The following ZNF267 variants were observed in gnomAD, a reference collection of about 807,000 sequenced individuals.
ZNF267 encodes the protein zinc finger (C2H2).
In ZNF267, 61 loss-of-function variants were observed where a neutral mutation model predicts 71.6. The ratio of observed to expected loss-of-function variants is 0.85; its 90% confidence interval spans 0.69 to 1.05. The LOEUF is 1.05. Ranked by LOEUF, ZNF267 falls within the 50% of genes least tolerant of loss-of-function variation. The pLI is 0.00. For synonymous variants in ZNF267, 288 were observed against 293.2 expected (o/e 0.98, Z 0.18); for missense variants, 852 against 870.0 (o/e 0.98, Z 0.26).
chr16:31,879,108 T>A (rs1352201096), intron 1 of ZNF267, among the ~76,000 whole-genome samples: 3 of 152,198 alleles, frequency 2.0e-5, no homozygotes, highest in Non-Finnish European at 2.9e-5. Context: ...TGATATAAAA[T>A]GTAAATAGCA....
intron 3 of ZNF267, chr16:31,895,021 G>A: frequency 3.4e-6 from 1 of 293,388 alleles, no homozygotes; most frequent in South Asian, 3.7e-5. Context: ...GCTGTGAAGG[G>A]GAGCCGGACC....
At chr16:31,894,140 T>C (rs575934853) in intron 3 of ZNF267, among the ~76,000 whole-genome samples, 2 of 152,244 alleles carry the variant, frequency 1.3e-5, no homozygotes, top group South Asian at 2.1e-4. Context: ...TCTCTCTTCA[T>C]GTCTTCCTTT....
chr16:31,878,598 A>G (rs1464641111), intron 1 of ZNF267, among the ~76,000 whole-genome samples: 2 of 148,338 alleles, frequency 1.3e-5, no homozygotes, highest in South Asian at 2.2e-4. Context: ...GGACCATCCA[A>G]TCATAATCTC....
chr16:31,883,142 AC>A (rs1484966234), intron 1 of ZNF267, among the ~76,000 whole-genome samples: 1 of 152,214 alleles, frequency 6.6e-6, no homozygotes, highest in African/African-American at 2.4e-5. Context: ...ACAAGAATTA[AC>A]ATATAACAAA....
rs549582492 is a variant in ZNF267, at chr16:31,875,269, C to T, written c.3+1300C>T. Reference sequence around the variant, plus strand: ...TCCTGGAGTGTTTAGTGACTGTCAGCCCCAGGTCACCTCCTGTTAGAGGAC... The same window carrying T: ...TCCTGGAGTGTTTAGTGACTGTCAGTCCCAGGTCACCTCCTGTTAGAGGAC... On this transcript the variant is annotated intron_variant, in intron 1 of 3. Coordinates refer to ENST00000300870, the MANE Select transcript of ZNF267 (RefSeq NM_003414.6). 1.3e-5 allele frequency: 17 copies of T among 1,289,236 alleles called. No individual in the cohort carries two copies. The African/African-American group carries it at 2.1e-4, about 16-fold the overall frequency. The allele number at this position is 1,289,236 out of a possible 1,614,324, so 79.9% of individuals were successfully genotyped here.
intron 3 of ZNF267, among the ~76,000 whole-genome samples, chr16:31,899,811 T>C (rs2084025048): frequency 6.6e-6 from 1 of 152,204 alleles, no homozygotes; most frequent in Non-Finnish European, 1.5e-5. Flanking sequence ...TTATTTAAAA[T>C]ACTTTATAAG....
At position 31,885,223 on chromosome 16, in the gene ZNF267, G is replaced by A; in HGVS notation, c.193G>A (p.Val65Met). ...GGAACAAAGGAAAGAGCCTTGGAATGTGAAGAGTGAGGAGACAGTAGCCAT... is the reference window on the plus strand; with the variant it reads ...GGAACAAAGGAAAGAGCCTTGGAATATGAAGAGTGAGGAGACAGTAGCCAT... Reference protein sequence around the residue: ...FLEQRKEPWNVKSEETVAIQP... With the variant: ...FLEQRKEPWNMKSEETVAIQP... Residue 65 changes from valine to methionine, a missense_variant, in exon 3 of 4, where the codon GTG becomes ATG. Coordinates refer to ENST00000300870, the MANE Select transcript of ZNF267 (RefSeq NM_003414.6). The A allele has an allele frequency of 6.2e-7, 1 of 1,609,290 alleles. No homozygotes were observed.
rs536014996 is a variant in ZNF267, at chr16:31,885,341, A to C, written c.226+85A>C. On this transcript the variant is annotated intron_variant, in intron 3 of 3. Coordinates refer to ENST00000300870, the MANE Select transcript of ZNF267 (RefSeq NM_003414.6). ...CCAGACCTTGAAGTGTGGATTGGGA[A>C]GTTCTCCAGTGGAAATGATTTTTGA... 6.7e-6 allele frequency: 8 copies of C among 1,200,280 alleles called. No individual in the cohort carries two copies. In the Admixed American group the frequency reaches 9.0e-5, roughly 14 times the overall value. The allele number at this position is 1,200,280 out of a possible 1,614,324, so 74.4% of individuals were successfully genotyped here. A position where few individuals can be genotyped will look rare whatever the true frequency, so the allele number is the denominator to read the frequency against.
chr16:31,876,445 C>A (rs895339452), intron 1 of ZNF267, among the ~76,000 whole-genome samples: 1 of 152,190 alleles, frequency 6.6e-6, no homozygotes, highest in Non-Finnish European at 1.5e-5. Context: ...TCTCAAACTC[C>A]TGGGCTCAAG....
At chr16:31,894,610 A>G in intron 3 of ZNF267, 1 of 486,028 alleles carries the variant, frequency 2.1e-6, no homozygotes, top group Non-Finnish European at 4.1e-6. Flanking sequence ...TAATGACTTC[A>G]GTGCTTTCAG....
chr16:31,892,959 G>T (rs2142342114), intron 3 of ZNF267, among the ~76,000 whole-genome samples: 1 of 152,338 alleles, frequency 6.6e-6, no homozygotes, highest in South Asian at 2.1e-4. Flanking sequence ...TCTTCTCACA[G>T]CTCCACTAGG....
chr16:31,883,708 T>C (rs1050102751), intron 1 of ZNF267, among the ~76,000 whole-genome samples: 1 of 152,262 alleles, frequency 6.6e-6, no homozygotes, highest in African/African-American at 2.4e-5. Context: ...ATCTGATATA[T>C]TGTGCATGTT....
intron 1 of ZNF267, among the ~76,000 whole-genome samples, chr16:31,876,246 TCTCTC>T (rs1206845045): frequency 6.6e-6 from 1 of 152,182 alleles, no homozygotes; most frequent in Non-Finnish European, 1.5e-5. Context: ...GGAGACAGGA[TCTCTC>T]CTCTGTCACC....
chr16:31,874,009 G>T, intron 1 of ZNF267, 40 bp downstream of exon 1: 1 of 1,600,232 alleles, frequency 6.2e-7, no homozygotes, highest in Non-Finnish European at 8.5e-7. Flanking sequence ...GGGAGGGAGG[G>T]CGGTGGTCGG....
At chr16:31,914,215 T>G in intron 3 of ZNF267, 1 of 390,488 alleles carries the variant, frequency 2.6e-6, no homozygotes, top group Non-Finnish European at 4.5e-6. Context: ...ATGAACAGAT[T>G]TCTCCCCGCC....
intron 3 of ZNF267, among the ~76,000 whole-genome samples, chr16:31,896,008 CT>C (rs1273895703): frequency 6.6e-6 from 1 of 152,018 alleles, no homozygotes; most frequent in East Asian, 1.9e-4. Context: ...GTTATCTGTG[CT>C]TTTCAAGTCT....
Position 31,914,618 on chromosome 16 carries a change from A to G in ZNF267, c.369A>G (p.Glu123=), listed in dbSNP as rs372934841. The change falls in exon 4 of 4, where the codon GAA becomes GAG. Residue 123 remains glutamate, a synonymous_variant. Transcript: ENST00000300870. ...AAAGGTGGAAAAGGGAGGAGTGTGAAGGGCACAATGGATGTTATGATGAAA... is the reference window on the plus strand; with the variant it reads ...AAAGGTGGAAAAGGGAGGAGTGTGAGGGGCACAATGGATGTTATGATGAAA... ...LRKRWKREEC[E]GHNGCYDEKT... The G allele has an allele frequency of 2.0e-5, 33 of 1,613,990 alleles. No homozygotes were observed. The highest frequency in any genetic ancestry group is 2.5e-5 in the Non-Finnish European group (30 of 1,180,012).
In ZNF267 at chr16:31,915,613, A is replaced by G; in HGVS notation, c.1364A>G (p.Gln455Arg). Residue 455 changes from glutamine (Q) to arginine (R), a missense_variant, in exon 4 of 4, where the codon CAG becomes CGG. Physicochemically the swap from Gln to Arg is conservative, Grantham distance 43. Coordinates refer to ENST00000300870, the MANE Select transcript of ZNF267 (RefSeq NM_003414.6). ...FNRSSCLTQHQTTHTGEKLYK... is the reference protein window; with the variant it reads ...FNRSSCLTQHRTTHTGEKLYK... Reference sequence around the variant, plus strand: ...CGTAGTTCATGCCTTACTCAACATCAGACAACTCATACAGGAGAAAAACTT... The same window carrying G: ...CGTAGTTCATGCCTTACTCAACATCGGACAACTCATACAGGAGAAAAACTT... The G allele has an allele frequency of 6.2e-7, 1 of 1,613,852 alleles. No individual in the cohort carries two copies. The highest frequency in any genetic ancestry group is 8.5e-7 in the Non-Finnish European group (1 of 1,179,954).
chr16:31,875,680 T>G (rs1467769396), intron 1 of ZNF267, among the ~76,000 whole-genome samples: 1 of 152,198 alleles, frequency 6.6e-6, no homozygotes, highest in Non-Finnish European at 1.5e-5. Context: ...GGTAGGAGAA[T>G]GTCTCAAATG....
Sources: allele counts gnomAD v4.1 joint callset (sites outside exome capture counted in the v4.1 genomes callset), GRCh38; gene constraint gnomAD v4.1.1; transcripts MANE v1.5; gene names NCBI Gene and HGNC (gene_info 2026-07-23, HGNC 2026-07-21).